Variants in DLGAP1 observed in about 807,000 individuals in gnomAD.
DLGAP1 encodes the protein disks large-associated protein 1.
In DLGAP1, 11 loss-of-function variants were observed where a neutral mutation model predicts 90.8. The observed-to-expected ratio is 0.12, with a 90% CI of 0.08 to 0.20. DLGAP1 has a LOEUF of 0.20. Among genes scored for constraint, DLGAP1 ranks in the 10% least tolerant of loss-of-function variants. DLGAP1 has a pLI of 1.00. For missense variants in DLGAP1, 1,050 were observed against 1,333.8 expected (o/e 0.79, Z 3.31); for synonymous variants, 558 against 540.7 (o/e 1.03, Z -0.44).
At chr18:4,270,440 T>C (rs2079250849) in intron 1 of DLGAP1, among the ~76,000 whole-genome samples, 1 of 152,198 alleles carries the variant, frequency 6.6e-6, no homozygotes, top group African/African-American at 2.4e-5. Context: ...GTAGGACAGA[T>C]GATTTGTTAC....
rs570522877 is a variant in DLGAP1 at position 3,933,244 on chromosome 18, A to T, written c.-72-53104T>A. On this transcript the variant is annotated intron_variant, in intron 3 of 12. Transcript: ENST00000315677. ...TAAAGCTAAAATAAGAGGGGAATTCAGATGGCTTCTGCCTTTCTGTAGCTT... is the reference window on the plus strand; with the variant it reads ...TAAAGCTAAAATAAGAGGGGAATTCTGATGGCTTCTGCCTTTCTGTAGCTT... Among the ~76,000 whole-genome samples the T allele has an allele frequency of 9.8e-5, 15 of 152,366 alleles. 1 individual carries two copies. In the South Asian group the frequency reaches 3.1e-3, roughly 32 times the overall value.
chr18:4,255,573 A>T (rs1485785255), intron 1 of DLGAP1, among the ~76,000 whole-genome samples: 2 of 151,388 alleles, frequency 1.3e-5, no homozygotes, highest in Non-Finnish European at 2.9e-5. Context: ...TTCCCTATTC[A>T]GTAAAGTGCC....
In DLGAP1 at chr18:3,516,218, C is replaced by T. The variant is rs547332973; in HGVS notation, c.2480-7557G>A. 1.4e-4 allele frequency among the ~76,000 whole-genome samples: 21 copies of T among 148,520 alleles called. No individual in the cohort carries two copies. In the Admixed American group the frequency reaches 1.4e-3, roughly 10 times the overall value. On this transcript the variant is annotated intron_variant, in intron 10 of 12. Coordinates refer to ENST00000315677, the MANE Select transcript of DLGAP1 (RefSeq NM_004746.4). The stretch of plus-strand genomic sequence containing the variant: ...TGGTGATTCCTTTCCAGAAGTTTTT[C>T]TTTTTTTTTTAATTTTTAAATTATT...
chr18:3,550,830 C>A (rs1306522479), intron 9 of DLGAP1, among the ~76,000 whole-genome samples: 1 of 148,532 alleles, frequency 6.7e-6, no homozygotes, highest in African/African-American at 2.5e-5. Context: ...CAACTTCTGC[C>A]TCCTGGGCTC....
At chr18:4,239,798 G>T (rs1196341038) in intron 1 of DLGAP1, among the ~76,000 whole-genome samples, 1 of 152,144 alleles carries the variant, frequency 6.6e-6, no homozygotes, top group African/African-American at 2.4e-5. Flanking sequence ...TATTTGGAAG[G>T]TTTACAAAGA....
At chr18:4,203,339 T>C (rs1217743223) in intron 1 of DLGAP1, among the ~76,000 whole-genome samples, 1 of 152,080 alleles carries the variant, frequency 6.6e-6, no homozygotes, top group Non-Finnish European at 1.5e-5. Context: ...AAATACTCTC[T>C]AGTTGCAAGA....
rs1232635562 is a variant in DLGAP1, at chr18:3,496,446, A to G, written c.*2739T>C. Reference sequence around the variant, plus strand: ...CTATTTACCATTTCAAATATTAAAAATCTTTAATCCATTTCTTCATCTCTC... The same window carrying G: ...CTATTTACCATTTCAAATATTAAAAGTCTTTAATCCATTTCTTCATCTCTC... On this transcript the variant is annotated 3_prime_UTR_variant, in exon 13 of 13. Transcript: ENST00000315677. The G allele has an allele frequency of 6.6e-6, 1 of 152,226 alleles. No homozygotes were observed. The highest frequency in any genetic ancestry group is 1.9e-4 in the East Asian group (1 of 5,206). 9.4% of individuals were successfully genotyped at this position (152,226 alleles called of 1,614,324 possible).
intron 1 of DLGAP1, among the ~76,000 whole-genome samples, chr18:4,302,791 A>T (rs1324721080): frequency 1.8e-4 from 28 of 152,194 alleles, no homozygotes; most frequent in Admixed American, 1.8e-3. Context: ...CACTGAATCT[A>T]TAGGTCACAT....
intron 2 of DLGAP1, among the ~76,000 whole-genome samples, chr18:4,123,686 G>A (rs960024009): frequency 1.3e-5 from 2 of 152,132 alleles, no homozygotes; most frequent in South Asian, 2.1e-4. Flanking sequence ...ATGGAACGGC[G>A]CCAGCAATTG....
chr18:3,830,129 C>A (rs532186555), intron 4 of DLGAP1, among the ~76,000 whole-genome samples: 16 of 152,306 alleles, frequency 1.1e-4, no homozygotes, highest in Non-Finnish European at 1.8e-4. Flanking sequence ...GGCTCTGTAC[C>A]AGCACCTAGC....
At chr18:3,662,809 G>A (rs1009898876) in intron 7 of DLGAP1, among the ~76,000 whole-genome samples, 1 of 152,224 alleles carries the variant, frequency 6.6e-6, no homozygotes, top group Non-Finnish European at 1.5e-5. Flanking sequence ...CACTCTTTGA[G>A]TGGGAATATC....
chr18:4,352,128 C>T (rs1346724531), intron 1 of DLGAP1, among the ~76,000 whole-genome samples: 1 of 152,164 alleles, frequency 6.6e-6, no homozygotes, highest in Non-Finnish European at 1.5e-5. Context: ...CCAACTTTAC[C>T]AAAACAAGGA....
chr18:3,856,638 G>A lies in DLGAP1; in HGVS notation c.957+22474C>T, dbSNP rs1403076406. On this transcript the variant is annotated intron_variant, in intron 4 of 12. Transcript: ENST00000315677. Reference sequence around the variant, plus strand: ...GCACTTTGGGAGGCCGAAGCGGGCAGATCACGAGGTCAGGAGATCGAGACC... The same window carrying A: ...GCACTTTGGGAGGCCGAAGCGGGCAAATCACGAGGTCAGGAGATCGAGACC... 2.0e-5 allele frequency among the ~76,000 whole-genome samples: 3 copies of A among 152,262 alleles called. No homozygotes were observed. The East Asian group carries it at 5.8e-4, about 29-fold the overall frequency.
chr18:3,811,617 C>T (rs1485642665), intron 5 of DLGAP1, among the ~76,000 whole-genome samples: 1 of 152,200 alleles, frequency 6.6e-6, no homozygotes, highest in African/African-American at 2.4e-5. Context: ...AACAACTTCA[C>T]CGTCTGAAGG....
At chr18:3,506,202 C>T (rs1395322421) in intron 11 of DLGAP1, among the ~76,000 whole-genome samples, 3 of 151,442 alleles carry the variant, frequency 2.0e-5, no homozygotes, top group Non-Finnish European at 4.4e-5. Flanking sequence ...ACGCCACTGC[C>T]CTCCAGCCTG....
chr18:4,318,824 CA>C (rs1240247503), intron 1 of DLGAP1, among the ~76,000 whole-genome samples: 1 of 152,078 alleles, frequency 6.6e-6, no homozygotes, highest in Non-Finnish European at 1.5e-5. Context: ...TTATTAATAT[CA>C]AAAACATTTT....
intron 7 of DLGAP1, among the ~76,000 whole-genome samples, chr18:3,594,720 G>A (rs3888225): frequency 0.41 from 62,431 of 151,898 alleles, 13,191 homozygotes; most frequent in East Asian, 0.53. Context: ...CGGAGCAAGA[G>A]CTGCGGTAGC....
At chr18:4,061,915 G>A (rs1374290135) in intron 2 of DLGAP1, among the ~76,000 whole-genome samples, 1 of 152,064 alleles carries the variant, frequency 6.6e-6, no homozygotes, top group Non-Finnish European at 1.5e-5. Context: ...CTATAGGACT[G>A]TAACAGGTGC....
chr18:3,596,998 G>A (rs1332494925), intron 7 of DLGAP1: 1 of 520,056 alleles, frequency 1.9e-6, no homozygotes, highest in African/African-American at 1.9e-5. Context: ...CTCCCCCACA[G>A]GCTCTCGGCA....
Sources: allele counts gnomAD v4.1 joint callset (sites outside exome capture counted in the v4.1 genomes callset), GRCh38; gene constraint gnomAD v4.1.1; transcripts MANE v1.5; gene names NCBI Gene and HGNC (gene_info 2026-07-23, HGNC 2026-07-21).